Variants in PLCG2 observed in about 807,000 individuals in gnomAD.
PLCG2 encodes 1-phosphatidylinositol 4,5-bisphosphate phosphodiesterase gamma-2.
In PLCG2, 69 loss-of-function variants were observed where a neutral mutation model predicts 175.6. The ratio of observed to expected loss-of-function variants is 0.39; its 90% CI spans 0.32 to 0.48. PLCG2 has a LOEUF of 0.48. PLCG2 is among the 20% of genes least tolerant of loss of function. The pLI is 0.91. For missense variants in PLCG2, 1,798 were observed against 1,650.9 expected (o/e 1.09, Z -1.54); for synonymous variants, 827 against 624.0 (o/e 1.33, Z -4.85).
chr16:81,835,044 GGTGGAGGTACCCAAAGAGGAGGAA>G (rs111518977), intron 2 of PLCG2, among the ~76,000 whole-genome samples: 3,900 of 152,246 alleles, frequency 0.026, 57 homozygotes, highest in Middle Eastern at 0.034. Context: ...AGTGGGAGGA[GGTGGAGGTACCCAAAGAGGAGGAA>G]GTGGCCTTCC....
intron 2 of PLCG2, among the ~76,000 whole-genome samples, chr16:81,806,795 G>A (rs986415653): frequency 6.6e-6 from 1 of 151,606 alleles, no homozygotes; most frequent in Non-Finnish European, 1.5e-5. Flanking sequence ...GTGTAGATAA[G>A]TGTTTTGAGG....
At chr16:81,888,616 T>A (rs1908487180) in intron 9 of PLCG2, among the ~76,000 whole-genome samples, 1 of 152,180 alleles carries the variant, frequency 6.6e-6, no homozygotes, top group Admixed American at 6.5e-5. Context: ...GTAGATACTC[T>A]TATTCCCACT....
chr16:81,946,097 C>G, intron 30 of PLCG2, 78 bp from the exon 31 acceptor site: 1 of 1,083,030 alleles, frequency 9.2e-7, no homozygotes, highest in Non-Finnish European at 1.4e-6. Context: ...GCCTATGATC[C>G]CGAGGTAGCC....
At chr16:81,926,691 G>A (rs1242050098) in intron 22 of PLCG2, among the ~76,000 whole-genome samples, 1 of 152,138 alleles carries the variant, frequency 6.6e-6, no homozygotes, top group African/African-American at 2.4e-5. Flanking sequence ...ACCGTCAGTG[G>A]TAGAGCTGGA....
chr16:81,938,010 C>T, intron 28 of PLCG2, 107 bp downstream of exon 28: 1 of 963,300 alleles, frequency 1.0e-6, no homozygotes. Flanking sequence ...GGCTGGTTGT[C>T]TTGTTTAAAC....
In PLCG2 at chr16:81,827,136, C is replaced by T. The variant is rs569802794; in HGVS notation, c.194-27308C>T. ...ATAAGACTCAGGGGATGCCCCTCAA[C>T]GGGATGTGTGGTAAGGTGCATGGTT... On this transcript the variant is annotated intron_variant, in intron 2 of 32. Transcript: ENST00000564138. Among the ~76,000 whole-genome samples, 183 of 151,514 alleles carry T rather than the reference C, an allele frequency of 1.2e-3. 1 individual carries two copies. The highest frequency in any genetic ancestry group is 3.8e-3 in the African/African-American group (155 of 41,286).
intron 19 of PLCG2, among the ~76,000 whole-genome samples, chr16:81,914,912 G>C (rs1299171162): frequency 6.6e-6 from 1 of 152,172 alleles, no homozygotes; most frequent in African/African-American, 2.4e-5. Flanking sequence ...TGTGAGGACT[G>C]ATCCTGTTGT....
intron 22 of PLCG2, among the ~76,000 whole-genome samples, chr16:81,926,369 A>G (rs1177077884): frequency 1.3e-5 from 2 of 152,122 alleles, no homozygotes; most frequent in African/African-American, 4.8e-5. Context: ...GGGCAGGTTG[A>G]AGGAGGGCGT....
chr16:81,884,324 C>T (rs1202395771), intron 9 of PLCG2, among the ~76,000 whole-genome samples: 1 of 151,964 alleles, frequency 6.6e-6, no homozygotes, highest in African/African-American at 2.4e-5. Context: ...GGACTGCAGC[C>T]TGGGCAACAG....
intron 30 of PLCG2, among the ~76,000 whole-genome samples, chr16:81,943,559 AT>A (rs553030399): frequency 6.6e-6 from 1 of 152,322 alleles, no homozygotes; most frequent in South Asian, 2.1e-4. Context: ...GAGCCAAACC[AT>A]AACATAGATT....
At chr16:81,751,230 C>G (rs935958389) in intron 1 of PLCG2, among the ~76,000 whole-genome samples, 1 of 152,144 alleles carries the variant, frequency 6.6e-6, no homozygotes, top group Non-Finnish European at 1.5e-5. Context: ...ATCCACCTGC[C>G]TCAGCCTCCC....
chr16:81,793,500 G>A (rs1164685671), intron 2 of PLCG2, among the ~76,000 whole-genome samples: 1 of 152,170 alleles, frequency 6.6e-6, no homozygotes, highest in African/African-American at 2.4e-5. Context: ...TTGAGGGCCT[G>A]GATGCGTCCA....
At chr16:81,936,066 C>T (rs1910697649) in intron 26 of PLCG2, 103 bp from the exon 27 acceptor site, 8 of 1,502,066 alleles carry the variant, frequency 5.3e-6, no homozygotes, top group Non-Finnish European at 7.1e-6. Context: ...AGGGAGATTC[C>T]TGGTTTCCTT....
intron 2 of PLCG2, among the ~76,000 whole-genome samples, chr16:81,771,069 A>AATAAAT (rs377476208): frequency 1.6e-4 from 23 of 145,230 alleles, no homozygotes; most frequent in Non-Finnish European, 3.0e-4. Context: ...AAAAAAAAAA[A>AATAAAT]AAATAAATAA....
At chr16:81,789,339 A>G (rs1415839584) in intron 2 of PLCG2, among the ~76,000 whole-genome samples, 3 of 152,180 alleles carry the variant, frequency 2.0e-5, no homozygotes, top group East Asian at 1.9e-4. Flanking sequence ...TGCCCAGGCT[A>G]GAGAGCAATG....
intron 2 of PLCG2, among the ~76,000 whole-genome samples, chr16:81,800,497 A>G (rs1348940877): frequency 1.3e-5 from 2 of 152,160 alleles, no homozygotes; most frequent in Non-Finnish European, 2.9e-5. Flanking sequence ...TAGTTTGCTG[A>G]GGATGATGGC....
In PLCG2 at chr16:81,873,409, G is replaced by T. The variant is rs188650028; in HGVS notation, c.648+2474G>T. 2.0e-5 allele frequency among the ~76,000 whole-genome samples: 3 copies of T among 152,320 alleles called. No homozygotes were observed. The Middle Eastern group carries it at 0.01, about 518-fold the overall frequency. On this transcript the variant is annotated intron_variant, in intron 7 of 32. Transcript: ENST00000564138. ...AAAAATAGTCCTTGAGAACAATGAC[G>T]TGTGTCATTGAACATAGAACATGTC... is the stretch of plus-strand genomic sequence containing the variant.
rs992862327 is a variant in PLCG2 at position 81,843,855 on chromosome 16, T to G, written c.194-10589T>G. Among the ~76,000 whole-genome samples, 54 of 152,276 alleles carry G rather than the reference T, an allele frequency of 3.5e-4. 2 individuals are homozygous for G. Among genetic ancestry groups the G allele is most frequent in the Non-Finnish European group, 1.5e-5 (1 of 68,050 alleles). ...AATGGGCAGGATGCCGGGTTTGATG[T>G]GCCGTTGGTTGTGTGTCTAACTGCT... On this transcript the variant is annotated intron_variant, in intron 2 of 32. Coordinates refer to ENST00000564138, the MANE Select transcript of PLCG2 (RefSeq NM_002661.5).
chr16:81,813,544 C>T (rs964968426), intron 2 of PLCG2, among the ~76,000 whole-genome samples: 2 of 152,180 alleles, frequency 1.3e-5, no homozygotes, highest in Non-Finnish European at 2.9e-5. Flanking sequence ...GCTGAAATTG[C>T]TTATCAGCTG....
Sources: allele counts gnomAD v4.1 joint callset (sites outside exome capture counted in the v4.1 genomes callset), GRCh38; gene constraint gnomAD v4.1.1; transcripts MANE v1.5; gene names NCBI Gene and HGNC (gene_info 2026-07-23, HGNC 2026-07-21).